Variants in ANKRD55 observed in about 807,000 individuals in gnomAD.
ANKRD55 encodes ankyrin repeat domain 55, also known as ankyrin repeat domain-containing protein 55.
ANKRD55 carries 41 observed loss-of-function variants against 60.6 expected under a neutral mutation model. The observed-to-expected ratio is 0.68, with a 90% CI of 0.53 to 0.88. The LOEUF is 0.88. Ranked by LOEUF, ANKRD55 falls within the 40% of genes least tolerant of loss-of-function variation. The pLI is 0.00. For synonymous variants in ANKRD55, 264 were observed against 290.3 expected (o/e 0.91, Z 0.92); for missense variants, 732 against 767.6 (o/e 0.95, Z 0.55).
At chr5:56,166,391 A>G (rs1036638193) in intron 5 of ANKRD55, among the ~76,000 whole-genome samples, 4 of 151,660 alleles carry the variant, frequency 2.6e-5, no homozygotes, top group Non-Finnish European at 5.9e-5. Flanking sequence ...CTGAATAGGT[A>G]GGACTACAGG....
intron 5 of ANKRD55, 108 bp downstream of exon 5, chr5:56,170,586 T>TG: frequency 1.3e-6 from 1 of 786,326 alleles, no homozygotes. Context: ...AAAAAAAAGA[T>TG]GGTTTTCTTT....
Position 56,099,985 on chromosome 5 carries a change from A to G in ANKRD55, c.*198T>C. 1 of 644,766 alleles carries G rather than the reference A, an allele frequency of 1.6e-6. No individual in the cohort carries two copies. Among genetic ancestry groups the G allele is most frequent in the Non-Finnish European group, 2.6e-6 (1 of 389,304 alleles). 39.9% of individuals were successfully genotyped at this position (644,766 alleles called of 1,614,324 possible). On this transcript the variant is annotated 3_prime_UTR_variant, in exon 12 of 12. Transcript: ENST00000341048. The stretch of plus-strand genomic sequence containing the variant: ...GGAAGTCACAGAAATTCACAGACTT[A>G]ATATGCACACCCAAATATTCTAAGT...
At chr5:56,162,673 A>ATTTT (rs67231449) in intron 5 of ANKRD55, among the ~76,000 whole-genome samples, 1 of 148,336 alleles carries the variant, frequency 6.7e-6, no homozygotes, top group African/African-American at 2.5e-5. Flanking sequence ...TTTTTGGTCA[A>ATTTT]TTTTTTTTTT....
At chr5:56,171,813 G>A (rs561894476) in intron 4 of ANKRD55, among the ~76,000 whole-genome samples, 2 of 152,138 alleles carry the variant, frequency 1.3e-5, no homozygotes, top group East Asian at 3.9e-4. Flanking sequence ...TCCTTATACT[G>A]AAAGCAATAA....
intron 7 of ANKRD55, among the ~76,000 whole-genome samples, chr5:56,137,869 T>G (rs115734852): frequency 7.9e-4 from 120 of 152,280 alleles, no homozygotes; most frequent in African/African-American, 2.8e-3. Flanking sequence ...CAGAAGATCT[T>G]TATAGATAGC....
Position 56,111,712 on chromosome 5 carries a change from G to A in ANKRD55, c.1036C>T (p.Leu346Phe). The A allele has an allele frequency of 2.0e-6, 3 of 1,521,278 alleles. No homozygotes were observed. The highest frequency in any genetic ancestry group is 1.4e-5 in the South Asian group (1 of 73,270). The allele number at this position is 1,521,278 out of a possible 1,614,324, so 94.2% of individuals were successfully genotyped here. A position where few individuals can be genotyped will look rare whatever the true frequency, so the allele number is the denominator to read the frequency against. The change falls in exon 10 of 12, where the codon CTC becomes TTC. Residue 346 changes from leucine to phenylalanine, a missense_variant. Physicochemically the swap from Leu to Phe is conservative, Grantham distance 22. Transcript: ENST00000341048. Reference protein sequence around the residue: ...PQKKERRFNVLNQIFCKNKKE... With the variant: ...PQKKERRFNVFNQIFCKNKKE... ...TTGTTTTTGCAGAATATTTGGTTGA[G>A]CACGTTGAACCGTCTCTCCTTCTTC...
intron 2 of ANKRD55, among the ~76,000 whole-genome samples, chr5:56,220,314 T>C (rs555630454): frequency 5.3e-5 from 8 of 151,650 alleles, no homozygotes; most frequent in African/African-American, 1.9e-4. Flanking sequence ...CCATAAAGGG[T>C]GGAAGGAAAG....
At chr5:56,102,675 T>C (rs1756324145) in intron 10 of ANKRD55, 89 bp from the exon 11 acceptor site, 4 of 853,308 alleles carry the variant, frequency 4.7e-6, no homozygotes, top group Non-Finnish European at 7.7e-6. Flanking sequence ...ATCAAAGTTG[T>C]TACAGATCAC....
At chr5:56,223,294 A>T (rs1760018845) in intron 2 of ANKRD55, among the ~76,000 whole-genome samples, 1 of 152,208 alleles carries the variant, frequency 6.6e-6, no homozygotes, top group South Asian at 2.1e-4. Flanking sequence ...TTTGCAGACA[A>T]GCAAATGCTG....
At chr5:56,179,681 G>GA (rs1561282792) in intron 3 of ANKRD55, among the ~76,000 whole-genome samples, 2 of 152,178 alleles carry the variant, frequency 1.3e-5, no homozygotes, top group Admixed American at 6.5e-5. Flanking sequence ...ATAAGGAGCA[G>GA]AAACAGCACT....
chr5:56,141,282 T>TG (rs1757759144), intron 7 of ANKRD55, among the ~76,000 whole-genome samples: 1 of 151,234 alleles, frequency 6.6e-6, no homozygotes, highest in African/African-American at 2.4e-5. Flanking sequence ...ATATTTTTTT[T>TG]AAGAGCCCAG....
At chr5:56,142,389 G>A (rs1357592347) in intron 7 of ANKRD55, among the ~76,000 whole-genome samples, 2 of 152,140 alleles carry the variant, frequency 1.3e-5, no homozygotes, top group Non-Finnish European at 2.9e-5. Context: ...TCCACCCTGT[G>A]AGGGCCCAGC....
At chr5:56,159,676 T>C in intron 6 of ANKRD55, among the ~76,000 whole-genome samples, 157 bp downstream of exon 6, 1 of 152,138 alleles carries the variant, frequency 6.6e-6, no homozygotes, top group Non-Finnish European at 1.5e-5. Flanking sequence ...CTGCTGAGGA[T>C]TAATAGTGAA....
rs182170954 is a variant in ANKRD55, at chr5:56,233,226, G to A, written c.-34+15C>T. On this transcript the variant is annotated intron_variant, in intron 1 of 11. Transcript: ENST00000341048. Reference sequence around the variant, plus strand: ...CAAACTCCAAAAAGATAGTAAAATTGTATGGGCCACCTGCCTTGGATCTGG... The same window carrying A: ...CAAACTCCAAAAAGATAGTAAAATTATATGGGCCACCTGCCTTGGATCTGG... 37 of 330,766 alleles carry A rather than the reference G, an allele frequency of 1.1e-4. 1 individual carries two copies. The East Asian group carries it at 2.3e-3, about 20-fold the overall frequency. 20.5% of individuals were successfully genotyped at this position (330,766 alleles called of 1,614,324 possible).
chr5:56,138,132 T>TC (rs1205761851), intron 7 of ANKRD55, among the ~76,000 whole-genome samples: 33 of 149,358 alleles, frequency 2.2e-4, no homozygotes, highest in African/African-American at 3.7e-4. Flanking sequence ...TTTTTCTTTT[T>TC]TTTTTTTTTT....
chr5:56,108,507 C>T (rs372378667), intron 10 of ANKRD55, among the ~76,000 whole-genome samples: 6 of 152,258 alleles, frequency 3.9e-5, no homozygotes, highest in African/African-American at 9.6e-5. Context: ...GTGGAGGAAG[C>T]AAAATCTTGA....
chr5:56,165,770 A>T (rs1327875781), intron 5 of ANKRD55, among the ~76,000 whole-genome samples: 1 of 152,032 alleles, frequency 6.6e-6, no homozygotes, highest in Non-Finnish European at 1.5e-5. Context: ...TCTCTACTAA[A>T]AATACAAAAT....
At position 56,210,796 on chromosome 5, in the gene ANKRD55, CTTAT is replaced by C. The variant is rs549947515; in HGVS notation, c.58+22056_58+22059del. Among the ~76,000 whole-genome samples, 110 of 152,114 alleles carry C rather than the reference CTTAT, an allele frequency of 7.2e-4. 1 individual carries two copies. Among genetic ancestry groups the C allele is most frequent in the South Asian group, 6.2e-4 (3 of 4,828 alleles). ...AGAAATAACTTTATGAAACCTTGTG[CTTAT>C]TTATTTGATATTGAATTGTACTTAA... On this transcript the variant is annotated intron_variant, in intron 2 of 11. Transcript: ENST00000341048.
intron 2 of ANKRD55, among the ~76,000 whole-genome samples, chr5:56,210,033 A>C (rs1203109371): frequency 1.3e-5 from 2 of 151,910 alleles, no homozygotes; most frequent in Non-Finnish European, 2.9e-5. Flanking sequence ...TTTGAGATGG[A>C]GTCTCGTTCT....
Sources: allele counts gnomAD v4.1 joint callset (sites outside exome capture counted in the v4.1 genomes callset), GRCh38; gene constraint gnomAD v4.1.1; transcripts MANE v1.5; gene names NCBI Gene and HGNC (gene_info 2026-07-23, HGNC 2026-07-21).